Variants in KHDRBS3 observed in about 807,000 individuals in gnomAD.
The protein encoded by KHDRBS3 is KH domain-containing, RNA-binding, signal transduction-associated protein 3.
In KHDRBS3, 23 loss-of-function variants were observed where a neutral mutation model predicts 45.6. The observed-to-expected ratio is 0.50, with a 90% CI of 0.36 to 0.72. KHDRBS3 has a LOEUF of 0.72. KHDRBS3 is among the 30% of genes least tolerant of loss of function. KHDRBS3 has a pLI of 0.00. For synonymous variants in KHDRBS3, 162 were observed against 156.5 expected (o/e 1.04, Z -0.26); for missense variants, 352 against 424.8 (o/e 0.83, Z 1.51).
chr8:135,501,049 T>G (rs957000920), intron 1 of KHDRBS3, among the ~76,000 whole-genome samples: 2 of 152,180 alleles, frequency 1.3e-5, no homozygotes, highest in Non-Finnish European at 2.9e-5. Context: ...TTTGTTTCCT[T>G]CCTTTGAAGA....
chr8:135,604,925 CT>C (rs752256918), intron 6 of KHDRBS3, among the ~76,000 whole-genome samples: 52 of 143,184 alleles, frequency 3.6e-4, no homozygotes, highest in Admixed American at 4.2e-4. Flanking sequence ...AGTTGACAGT[CT>C]TTTTTTTTTT....
intron 1 of KHDRBS3, among the ~76,000 whole-genome samples, chr8:135,513,995 C>A (rs963218673): frequency 1.3e-5 from 2 of 152,136 alleles, no homozygotes; most frequent in Non-Finnish European, 2.9e-5. Flanking sequence ...GGACCTAGAA[C>A]TGTCTCCTGA....
intron 4 of KHDRBS3, among the ~76,000 whole-genome samples, chr8:135,653,073 T>C (rs999387293): frequency 1.3e-5 from 2 of 152,192 alleles, no homozygotes; most frequent in Non-Finnish European, 2.9e-5. Flanking sequence ...TTTGTGTGTC[T>C]GCTGCCTAAC....
chr8:135,528,921 G>A (rs1825329350), intron 2 of KHDRBS3, among the ~76,000 whole-genome samples: 1 of 152,154 alleles, frequency 6.6e-6, no homozygotes, highest in African/African-American at 2.4e-5. Flanking sequence ...TACCCCCACA[G>A]TGGCCATTTT....
chr8:135,652,819 A>T (rs1831456638), intron 4 of KHDRBS3, among the ~76,000 whole-genome samples: 2 of 152,098 alleles, frequency 1.3e-5, no homozygotes, highest in African/African-American at 4.8e-5. Flanking sequence ...CTCCCACCAG[A>T]TTGTAAATAT....
chr8:135,536,734 G>T (rs1487022648), intron 2 of KHDRBS3, among the ~76,000 whole-genome samples: 1 of 151,640 alleles, frequency 6.6e-6, no homozygotes, highest in African/African-American at 2.4e-5. Flanking sequence ...GCCGAGGCGG[G>T]TGGATCATGA....
At chr8:135,483,776 A>G (rs1428076363) in intron 1 of KHDRBS3, among the ~76,000 whole-genome samples, 1 of 152,074 alleles carries the variant, frequency 6.6e-6, no homozygotes, top group Non-Finnish European at 1.5e-5. Context: ...GGAGTGTTTG[A>G]TGCTTGAATC....
chr8:135,551,835 C>G (rs139198368), intron 4 of KHDRBS3, among the ~76,000 whole-genome samples: 530 of 152,206 alleles, frequency 3.5e-3, no homozygotes, highest in African/African-American at 0.012. Flanking sequence ...TTTAGACTTT[C>G]CTGTAACCTA....
At chr8:135,546,146 TAAA>T (rs2130787428) in intron 3 of KHDRBS3, among the ~76,000 whole-genome samples, 1 of 149,670 alleles carries the variant, frequency 6.7e-6, no homozygotes, top group South Asian at 2.1e-4. Flanking sequence ...CCCAAAAAAA[TAAA>T]TAAATTAAAA....
At chr8:135,639,950 C>A (rs981823235) in intron 7 of KHDRBS3, among the ~76,000 whole-genome samples, 11 of 152,188 alleles carry the variant, frequency 7.2e-5, no homozygotes, top group Non-Finnish European at 2.9e-5. Context: ...CAAACCACAT[C>A]ACCCAGTGAT....
At chr8:135,474,147 C>G (rs1822152253) in intron 1 of KHDRBS3, among the ~76,000 whole-genome samples, 1 of 151,904 alleles carries the variant, frequency 6.6e-6, no homozygotes, top group Non-Finnish European at 1.5e-5. Flanking sequence ...CTGTAAAAGA[C>G]ACCTTTCCAG....
At chr8:135,538,391 G>A (rs1371843338) in intron 2 of KHDRBS3, 2 of 152,178 alleles carry the variant, frequency 1.3e-5, no homozygotes, top group Non-Finnish European at 2.9e-5. Context: ...GAGGGTTTGT[G>A]TCTGTCCTTG....
At chr8:135,525,165 G>C (rs1825117086) in intron 2 of KHDRBS3, among the ~76,000 whole-genome samples, 1 of 152,122 alleles carries the variant, frequency 6.6e-6, no homozygotes, top group African/African-American at 2.4e-5. Flanking sequence ...GAAGAATTTT[G>C]ATATTTTTGT....
At position 135,511,943 on chromosome 8, in the gene KHDRBS3, T is replaced by G. The variant is rs537478424; in HGVS notation, c.89-9294T>G. 2.1e-4 allele frequency among the ~76,000 whole-genome samples: 32 copies of G among 152,340 alleles called. No individual in the cohort carries two copies. The South Asian group carries it at 2.7e-3, about 13-fold the overall frequency. On this transcript the variant is annotated intron_variant, in intron 1 of 8. Transcript: ENST00000355849. ...TTTCTTTCTCCCTAGATGGTATATT[T>G]ATGCGTATTTATGATGAGCTTATTT...
chr8:135,465,007 T>G (rs1164132857), intron 1 of KHDRBS3, among the ~76,000 whole-genome samples: 1 of 152,272 alleles, frequency 6.6e-6, no homozygotes, highest in South Asian at 2.1e-4. Flanking sequence ...TTGGACTGGG[T>G]GAGCAGGGCA....
intron 7 of KHDRBS3, among the ~76,000 whole-genome samples, chr8:135,624,034 A>C (rs906124214): frequency 6.6e-6 from 1 of 152,238 alleles, no homozygotes; most frequent in African/African-American, 2.4e-5. Context: ...GCAAAAGAAA[A>C]TTAACATTTA....
intron 2 of KHDRBS3, among the ~76,000 whole-genome samples, chr8:135,537,437 C>A (rs1298687869): frequency 2.6e-5 from 4 of 152,104 alleles, no homozygotes; most frequent in African/African-American, 7.2e-5. Flanking sequence ...TAGTTTAGAT[C>A]AATTAAAGCT....
intron 1 of KHDRBS3, among the ~76,000 whole-genome samples, chr8:135,483,200 T>C (rs1024425593): frequency 3.9e-5 from 6 of 152,226 alleles, no homozygotes; most frequent in African/African-American, 1.4e-4. Context: ...AACTGGCTGA[T>C]ATTTGAAAGT....
intron 2 of KHDRBS3, 86 bp from the exon 3 acceptor site, chr8:135,542,568 G>A (rs1826096021): frequency 1.2e-6 from 1 of 823,348 alleles, no homozygotes; most frequent in Non-Finnish European, 2.1e-6. Flanking sequence ...ATGATGTGTA[G>A]CACACTACAG....
Sources: gnomAD v4.1 joint callset for allele counts (sites outside exome capture counted in the v4.1 genomes callset) on GRCh38, gnomAD v4.1.1 for gene constraint, MANE v1.5 for transcripts, NCBI Gene and HGNC (gene_info 2026-07-23, HGNC 2026-07-21) for gene names.